CELSR2: variants seen among roughly 807,000 people sequenced by gnomAD.
The protein encoded by CELSR2 is cadherin EGF LAG seven-pass G-type receptor 2.
Under a neutral mutation model 251.6 loss-of-function variants are expected in CELSR2, and 81 were observed. That is an observed-to-expected ratio of 0.32 (90% CI 0.27 to 0.39). The LOEUF is 0.39. Ranked by LOEUF, CELSR2 falls within the 10% of genes least tolerant of loss-of-function variation. The probability of loss-of-function intolerance (pLI) is 1.00; values close to 1 mark genes in which losing one functional copy is unlikely to be tolerated. For synonymous variants in CELSR2, 1,721 were observed against 1,670.5 expected (o/e 1.03, Z -0.74); for missense variants, 3,365 against 3,947.7 (o/e 0.85, Z 3.96).
rs1475834795 is a variant in CELSR2 at position 109,258,662 on chromosome 1, C to A, written c.3541C>A (p.Leu1181Ile). The A allele has an allele frequency of 1.3e-6, 2 of 1,549,010 alleles. No homozygotes were observed. Among genetic ancestry groups the A allele is most frequent in the Admixed American group, 2.0e-5 (1 of 50,890 alleles). ...RDTDAPGGHI[L>I]NVSLSVGQPP... ...CACCGACGCCCCCGGGGGCCACATC[C>A]TCAACGTGAGCCTGTCGGTGGGCCA... The change falls in exon 2 of 34, where the codon CTC (leucine) becomes ATC (isoleucine). Residue 1181 changes from leucine to isoleucine, a missense_variant. Leu to Ile is a conservative substitution (Grantham distance 5). Coordinates refer to ENST00000271332, the MANE Select transcript of CELSR2 (RefSeq NM_001408.3).
chr1:109,264,627 A>G lies in CELSR2; in HGVS notation c.5463A>G (p.Pro1821=), dbSNP rs767033159. The G allele has an allele frequency of 3.1e-6, 5 of 1,609,468 alleles. No homozygotes were observed. In the South Asian group the frequency reaches 5.5e-5, roughly 18 times the overall value. ...DWDSYSCSCD[P]GYYGDNCTNV... ...ACAGCTATTCCTGCAGCTGTGATCC[A>G]GGTATGCTAAGGATCCAGGGCAACG... Residue 1821 remains proline (P), a splice_region_variant and synonymous_variant, in exon 11 of 34, where the codon CCA becomes CCG. Transcript: ENST00000271332.
In CELSR2 at chr1:109,272,353, A is replaced by G; in HGVS notation, c.8002A>G (p.Ser2668Gly). 1 of 1,612,558 alleles carries G rather than the reference A, an allele frequency of 6.2e-7. No homozygotes were observed. The highest frequency in any genetic ancestry group is 8.5e-7 in the Non-Finnish European group (1 of 1,179,060). The part of the protein sequence containing the change: ...PYGDSAGSLH[S>G]TSRSGKSQPS... ...CGGAGACTCGGCCGGCTCTCTGCAC[A>G]GCACCAGTCGCTCGGGCAAGAGTCA... is the stretch of plus-strand genomic sequence containing the variant. Residue 2668 changes from serine (S) to glycine (G), a missense_variant, in exon 29 of 34, where the codon AGC becomes GGC. Ser to Gly is a moderately conservative substitution (Grantham distance 56, BLOSUM62 0). Coordinates refer to ENST00000271332, the MANE Select transcript of CELSR2 (RefSeq NM_001408.3).
rs1656142548 is a variant in CELSR2, at chr1:109,264,793, C to T, written c.5465-75C>T. 7 of 1,608,018 alleles carry T rather than the reference C, an allele frequency of 4.4e-6. No individual in the cohort carries two copies. In the East Asian group the frequency reaches 1.1e-4, roughly 26 times the overall value. ...TGATAGGATGCTATGTGGAAAGAAA[C>T]AGATGAAGGGTTTGATGGAAGATGG... On this transcript the variant is annotated intron_variant, in intron 11 of 33. Coordinates refer to ENST00000271332, the MANE Select transcript of CELSR2 (RefSeq NM_001408.3).
At chr1:109,266,456 C>T (rs532118569) in intron 15 of CELSR2, 1 of 455,716 alleles carries the variant, frequency 2.2e-6, no homozygotes, top group African/African-American at 2.0e-5. Flanking sequence ...CACTGTCACC[C>T]AGGCTGGTGT....
At position 109,264,332 on chromosome 1, in the gene CELSR2, C is replaced by T. The variant is rs758873374; in HGVS notation, c.5256C>T (p.Gly1752=). Residue 1752 remains glycine, a synonymous_variant, in exon 10 of 34, where the codon GGC becomes GGT. Transcript: ENST00000271332. The part of the protein sequence containing the change: ...ITVGGIPGPA[G]GVARGFRGCL... ...TGGGCGGAATACCTGGGCCAGCCGG[C>T]GGTGTGGCCCGTGGCTTTCGGGGCT... is the stretch of plus-strand genomic sequence containing the variant. 2.4e-5 allele frequency: 39 copies of T among 1,611,148 alleles called. No individual in the cohort carries two copies. Among genetic ancestry groups the T allele is most frequent in the South Asian group, 1.6e-4 (15 of 91,056 alleles).
chr1:109,259,177 TC>T (rs1655948415), intron 2 of CELSR2, 98 bp downstream of exon 2: 2 of 1,084,982 alleles, frequency 1.8e-6, no homozygotes, highest in South Asian at 1.6e-5. Flanking sequence ...CTCATTCTCT[TC>T]CCGAGTGAGG....
chr1:109,272,696 G>A lies in CELSR2; in HGVS notation c.8111G>A (p.Ser2704Asn), dbSNP rs931513214. 13 of 1,613,300 alleles carry A rather than the reference G, an allele frequency of 8.1e-6. No individual in the cohort carries two copies. The African/African-American group carries it at 1.2e-4, about 15-fold the overall frequency. Residue 2704 changes from serine to asparagine, a missense_variant, in exon 30 of 34, where the codon AGC becomes AAC. This residue lies in a region of CELSR2 where 2,093 missense variants were observed against 2,382.8 expected (regional missense o/e 0.88). Transcript: ENST00000271332. ...QGPPGLGDPG[S>N]LFLEGQDQQH... ...CCCCCTGGCCTGGGGGATCCAGGCAGCCTGTTCCTGGAAGGTCAAGACCAG... is the reference window on the plus strand; with the variant it reads ...CCCCCTGGCCTGGGGGATCCAGGCAACCTGTTCCTGGAAGGTCAAGACCAG...
rs1420547143 is a variant in CELSR2, at chr1:109,267,558, G to A, written c.6024G>A (p.Val2008=). The stretch of plus-strand genomic sequence containing the variant: ...GCTTCCTTCCCCCAGGGACTGCTGT[G>A]CGCCACTGTGATGAGCACAGGGGGT... The part of the protein sequence containing the change: ...PCPKGSFGTA[V]RHCDEHRGWL... The change falls in exon 16 of 34, where the codon GTG becomes GTA. Residue 2008 remains valine, a synonymous_variant. Coordinates refer to ENST00000271332, the MANE Select transcript of CELSR2 (RefSeq NM_001408.3). 2.0e-5 allele frequency: 32 copies of A among 1,613,918 alleles called. No individual in the cohort carries two copies. The highest frequency in any genetic ancestry group is 2.7e-5 in the Non-Finnish European group (32 of 1,179,964).
chr1:109,270,165 C>T, intron 23 of CELSR2, 32 bp downstream of exon 23: 1 of 1,607,612 alleles, frequency 6.2e-7, no homozygotes, highest in African/African-American at 1.3e-5. Flanking sequence ...GAAACTGTCC[C>T]CACCTTCTCA....
Position 109,249,804 on chromosome 1 carries a change from G to A in CELSR2, c.-276G>A, listed in dbSNP as rs1655621236. 6.7e-6 allele frequency among the ~76,000 whole-genome samples: 1 copy of A among 150,014 alleles called. No homozygotes were observed. Among genetic ancestry groups the A allele is most frequent in the East Asian group, 1.9e-4 (1 of 5,154 alleles). ...CGCGGGGCCCCCGGGCGCAGGTGGT[G>A]AGTGCCCGGAGCGCAGGTGGAGGCG... On this transcript the variant is annotated 5_prime_UTR_variant, in exon 1 of 34. Transcript: ENST00000271332.
At chr1:109,256,166 G>A (rs138139642) in intron 1 of CELSR2, among the ~76,000 whole-genome samples, 1 of 152,288 alleles carries the variant, frequency 6.6e-6, no homozygotes, top group East Asian at 1.9e-4. Flanking sequence ...ATCCTGGTGC[G>A]GGGAAGTCTG....
rs754320647 is a variant in CELSR2, at chr1:109,269,512, C to T, written c.6901C>T (p.Pro2301Ser). The T allele has an allele frequency of 9.3e-6, 15 of 1,614,146 alleles. No individual in the cohort carries two copies. Among genetic ancestry groups the T allele is most frequent in the Non-Finnish European group, 9.3e-6 (11 of 1,180,038 alleles). The change falls in exon 21 of 34, where the codon CCC (proline) becomes TCC (serine). Residue 2301 changes from proline (P) to serine (S), a missense_variant. This residue lies in a region of CELSR2 where 2,093 missense variants were observed against 2,382.8 expected (regional missense o/e 0.88). Coordinates refer to ENST00000271332, the MANE Select transcript of CELSR2 (RefSeq NM_001408.3). This position sits in a 1 kb window ranked among gnomAD's most constrained non-coding sequence, Gnocchi z 6.4. Reference protein sequence around the residue: ...EELLPRALDKPVTVQFRLLET... With the variant: ...EELLPRALDKSVTVQFRLLET... ...GCTTCTGCCCCGGGCCCTGGACAAA[C>T]CCGTCACGGTGCAGTTCCGCCTGCT...
intron 13 of CELSR2, 87 bp downstream of exon 13, chr1:109,265,398 G>A: frequency 2.1e-6 from 3 of 1,413,654 alleles, no homozygotes; most frequent in African/African-American, 1.4e-5. Context: ...GTAGGGATGG[G>A]TCTTCCTGTA....
Position 109,269,491 on chromosome 1 carries a change from C to T in CELSR2, c.6880C>T (p.Leu2294=), listed in dbSNP as rs369796390. The change falls in exon 21 of 34, where the codon CTG becomes TTG. Residue 2294 remains leucine, a synonymous_variant. Coordinates refer to ENST00000271332, the MANE Select transcript of CELSR2 (RefSeq NM_001408.3). The surrounding 1 kb of genome is among the most constrained non-coding windows in gnomAD (Gnocchi z 6.4). ...SISVHDDEEL[L]PRALDKPVTV... is the part of the protein sequence containing the mutation. ...CAGCGTCCATGATGATGAGGAGCTT[C>T]TGCCCCGGGCCCTGGACAAACCCGT... 1.2e-6 allele frequency: 2 copies of T among 1,614,112 alleles called. No homozygotes were observed. The highest frequency in any genetic ancestry group is 1.7e-6 in the Non-Finnish European group (2 of 1,180,010).
At chr1:109,256,378 G>C (rs900941071) in intron 1 of CELSR2, among the ~76,000 whole-genome samples, 1 of 152,148 alleles carries the variant, frequency 6.6e-6, no homozygotes, top group Non-Finnish European at 1.5e-5. Flanking sequence ...GAGCTAGTGA[G>C]AATAAGCAAG....
intron 33 of CELSR2, 118 bp from the exon 34 acceptor site, chr1:109,273,904 A>G: frequency 1.5e-6 from 2 of 1,375,506 alleles, no homozygotes; most frequent in African/African-American, 1.4e-5. Context: ...GTGCGGGAGG[A>G]TGGGGAGCTG....
rs755796488 is a variant in CELSR2, at chr1:109,262,292, G to C, written c.4392G>C (p.Leu1464=). 7 of 1,613,938 alleles carry C rather than the reference G, an allele frequency of 4.3e-6. No homozygotes were observed. Among genetic ancestry groups the C allele is most frequent in the Non-Finnish European group, 5.9e-6 (7 of 1,180,028 alleles). Residue 1464 remains leucine, a synonymous_variant, in exon 6 of 34, where the codon CTG becomes CTC. Coordinates refer to ENST00000271332, the MANE Select transcript of CELSR2 (RefSeq NM_001408.3). ...CTGCTCTTTCCTGTCCACAGCCACT[G>C]TTGGGTCAGACAGGGCTCCCACAGG... The part of the protein sequence containing the change: ...TVQLKYYNKP[L]LGQTGLPQGP...
At position 109,265,283 on chromosome 1, in the gene CELSR2, A is replaced by G; in HGVS notation, c.5699A>G (p.Asn1900Ser). ...AGCAAAGGCTTTGACCCAGACTGCA[A>G]CAAGACAAGCGGCGAGTGCCACTGC... ...DVSKGFDPDC[N>S]KTSGECHCKE... is the part of the protein sequence containing the mutation. The change falls in exon 13 of 34, where the codon AAC becomes AGC. Residue 1900 changes from asparagine to serine, a missense_variant. Coordinates refer to ENST00000271332, the MANE Select transcript of CELSR2 (RefSeq NM_001408.3). 1 of 1,611,052 alleles carries G rather than the reference A, an allele frequency of 6.2e-7. No individual in the cohort carries two copies. The highest frequency in any genetic ancestry group is 8.5e-7 in the Non-Finnish European group (1 of 1,178,464).
Position 109,253,019 on chromosome 1 carries a change from C to G in CELSR2, c.2940C>G (p.Ala980=), listed in dbSNP as rs1377709115. 2 of 1,613,318 alleles carry G rather than the reference C, an allele frequency of 1.2e-6. No individual in the cohort carries two copies. Among genetic ancestry groups the G allele is most frequent in the Non-Finnish European group, 1.7e-6 (2 of 1,179,814 alleles). Reference sequence around the variant, plus strand: ...ACATCTTCTCCGGGGAGCTGACAGCCCTGGTAGACTTAGACTACGAGGACC... The same window carrying G: ...ACATCTTCTCCGGGGAGCTGACAGCGCTGGTAGACTTAGACTACGAGGACC... ...QLDIFSGELT[A]LVDLDYEDRP... Residue 980 remains alanine, a synonymous_variant, in exon 1 of 34, where the codon GCC becomes GCG. Transcript: ENST00000271332.
Sources: allele counts gnomAD v4.1 joint callset (sites outside exome capture counted in the v4.1 genomes callset), GRCh38; gene constraint gnomAD v4.1.1; regional missense constraint gnomAD v4.1.1; non-coding constraint Gnocchi (gnomAD v3.1); transcripts MANE v1.5; gene names NCBI Gene and HGNC (gene_info 2026-07-23, HGNC 2026-07-21).